Variants in HMCN1 observed in about 807,000 individuals in gnomAD.
The protein encoded by HMCN1 is hemicentin 1.
HMCN1 carries 321 observed loss-of-function variants against 625.9 expected under a neutral mutation model. The observed-to-expected ratio is 0.51, with a 90% CI of 0.47 to 0.56. The LOEUF is 0.56. HMCN1 is among the 20% of genes least tolerant of loss of function. HMCN1 has a pLI of 0.00. For missense variants in HMCN1, 6,588 were observed against 6,887.3 expected (o/e 0.96, Z 1.54); for synonymous variants, 2,425 against 2,417.6 (o/e 1.00, Z -0.09).
In HMCN1 at chr1:186,020,267, A is replaced by ATAGG. The variant is rs1348471610; in HGVS notation, c.5625+573_5625+574insAGGT. ...GATAGATAGATAGATAGATAGATAG[A>ATAGG]TGATAGATTTCAAATCTGGATAATC... On this transcript the variant is annotated intron_variant, in intron 35 of 106. Coordinates refer to ENST00000271588, the MANE Select transcript of HMCN1 (RefSeq NM_031935.3). Among the ~76,000 whole-genome samples the ATAGG allele has an allele frequency of 1.2e-3, 185 of 152,022 alleles. 1 individual carries two copies. The highest frequency in any genetic ancestry group is 4.2e-3 in the African/African-American group (175 of 41,498).
At chr1:185,805,759 A>C (rs1250160297) in intron 1 of HMCN1, among the ~76,000 whole-genome samples, 2 of 152,040 alleles carry the variant, frequency 1.3e-5, no homozygotes, top group Non-Finnish European at 2.9e-5. Context: ...CCCATGCTGC[A>C]CAAAAGGTAC....
intron 36 of HMCN1, among the ~76,000 whole-genome samples, chr1:186,024,069 T>C (rs923564460): frequency 3.9e-5 from 6 of 152,246 alleles, no homozygotes; most frequent in African/African-American, 1.4e-4. Context: ...ATGTTTCCAA[T>C]ATATCAATTT....
chr1:186,086,290 G>A lies in HMCN1; in HGVS notation c.8929G>A (p.Val2977Met), dbSNP rs556443296. The change falls in exon 58 of 107, where the codon GTG becomes ATG. Residue 2977 changes from valine (V) to methionine (M), a missense_variant. Val to Met is a conservative substitution (Grantham distance 21). This residue lies in a region of HMCN1 where 4,628 missense variants were observed against 4,853.1 expected (regional missense o/e 0.95). Transcript: ENST00000271588. ...TCCTAAATCTGAAAATCTTACCGTC[G>A]TGGTGAACAATTTCATCTCTTTGAC... ...IGPKSENLTVVVNNFISLTCE... is the reference protein window; with the variant it reads ...IGPKSENLTVMVNNFISLTCE... The A allele has an allele frequency of 9.9e-6, 16 of 1,612,996 alleles. No individual in the cohort carries two copies. Among genetic ancestry groups the A allele is most frequent in the Middle Eastern group, 1.6e-4 (1 of 6,080 alleles).
At position 185,734,414 on chromosome 1, in the gene HMCN1, A is replaced by AGCG; in HGVS notation, c.-356_-354dup. 1 of 230,372 alleles carries AGCG rather than the reference A, an allele frequency of 4.3e-6. No individual in the cohort carries two copies. The highest frequency in any genetic ancestry group is 8.4e-6 in the Non-Finnish European group (1 of 119,378). The allele number at this position is 230,372 out of a possible 1,614,324, so 14.3% of individuals were successfully genotyped here. A position where few individuals can be genotyped will look rare whatever the true frequency, so the allele number is the denominator to read the frequency against. On this transcript the variant is annotated 5_prime_UTR_variant, in exon 1 of 107. Transcript: ENST00000271588. ...TCAGTCGCTGGCCCAGGCGGAGAGC[A>AGCG]GCGGCGGCGGCGAGGGCAGCGGGAT...
intron 86 of HMCN1, among the ~76,000 whole-genome samples, chr1:186,135,407 G>A (rs980649777): frequency 2.6e-5 from 4 of 151,942 alleles, no homozygotes; most frequent in African/African-American, 4.8e-5. Flanking sequence ...GTCTTTGGCC[G>A]TCTTCTCATT....
At chr1:186,128,850 A>C (rs1278471901) in intron 83 of HMCN1, among the ~76,000 whole-genome samples, 1 of 152,054 alleles carries the variant, frequency 6.6e-6, no homozygotes, top group Admixed American at 6.6e-5. Flanking sequence ...TCATCAGCAT[A>C]AAGACTGTCA....
At chr1:186,073,583 A>C (rs536100058) in intron 52 of HMCN1, among the ~76,000 whole-genome samples, 1 of 152,270 alleles carries the variant, frequency 6.6e-6, no homozygotes, top group Non-Finnish European at 1.5e-5. Flanking sequence ...GCAAATTCTC[A>C]GAATGAGCAG....
intron 36 of HMCN1, among the ~76,000 whole-genome samples, chr1:186,037,535 AAAGT>A (rs1260157147): frequency 6.6e-6 from 1 of 152,216 alleles, no homozygotes; most frequent in Non-Finnish European, 1.5e-5. Context: ...GTCCAAAGAT[AAAGT>A]AAGATATTTT....
In HMCN1 at chr1:186,053,051, C is replaced by T. The variant is rs1657072658; in HGVS notation, c.6677C>T (p.Pro2226Leu). 2 of 1,609,532 alleles carry T rather than the reference C, an allele frequency of 1.2e-6. No homozygotes were observed. The highest frequency in any genetic ancestry group is 2.2e-5 in the East Asian group (1 of 44,688). The part of the protein sequence containing the change: ...LLCESSGIPP[P>L]NLIWKKKGSP... ...TGTGAATCAAGTGGTATTCCACCCC[C>T]AAATCTCATCTGGAAGAAGAAAGGT... Residue 2226 changes from proline to leucine, a missense_variant, in exon 43 of 107, where the codon CCA (proline) becomes CTA (leucine). Physicochemically the swap from Pro to Leu is moderately conservative, Grantham distance 98. Around this residue, in one of 3 missense-constraint regions of HMCN1, gnomAD observed 4,628 missense variants for 4,853.1 expected, o/e 0.95. Transcript: ENST00000271588.
intron 64 of HMCN1, among the ~76,000 whole-genome samples, 181 bp from the exon 65 acceptor site, chr1:186,092,953 T>C (rs915172073): frequency 2.0e-5 from 3 of 152,118 alleles, no homozygotes; most frequent in African/African-American, 7.2e-5. Flanking sequence ...GTATTCCTGA[T>C]TTTGTTCACT....
At position 186,055,481 on chromosome 1, in the gene HMCN1, G is replaced by A. The variant is rs1390722380; in HGVS notation, c.6951G>A (p.Gln2317=). ...GKSISLECEV[Q]GIPPPTVTWM... is the part of the protein sequence containing the mutation. Reference sequence around the variant, plus strand: ...GTATCTCCTTGGAGTGTGAGGTGCAGGGTATTCCACCACCAACAGTGACCT... The same window carrying A: ...GTATCTCCTTGGAGTGTGAGGTGCAAGGTATTCCACCACCAACAGTGACCT... Residue 2317 remains glutamine (Q), a synonymous_variant, in exon 45 of 107, where the codon CAG becomes CAA. Transcript: ENST00000271588. 2 of 1,612,850 alleles carry A rather than the reference G, an allele frequency of 1.2e-6. No homozygotes were observed. The highest frequency in any genetic ancestry group is 1.7e-6 in the Non-Finnish European group (2 of 1,179,268).
At chr1:185,841,029 G>C (rs965460867) in intron 1 of HMCN1, among the ~76,000 whole-genome samples, 2 of 152,068 alleles carry the variant, frequency 1.3e-5, no homozygotes, top group East Asian at 3.8e-4. Flanking sequence ...GAAGTGAGAG[G>C]CTGGATATTG....
In HMCN1 at chr1:185,795,838, C is replaced by G. The variant is rs377420347; in HGVS notation, c.269-50188C>G. Among the ~76,000 whole-genome samples the G allele has an allele frequency of 3.9e-5, 6 of 152,178 alleles. No individual in the cohort carries two copies. The East Asian group carries it at 7.7e-4, about 20-fold the overall frequency. ...AAGTATCATGTCTCTCTTGCTCACT[C>G]TTATGTCACAAGGTCTAGCACATAC... On this transcript the variant is annotated intron_variant, in intron 1 of 106. Coordinates refer to ENST00000271588, the MANE Select transcript of HMCN1 (RefSeq NM_031935.3).
chr1:185,930,892 A>G (rs1265301558), intron 10 of HMCN1, among the ~76,000 whole-genome samples: 6 of 148,876 alleles, frequency 4.0e-5, no homozygotes, highest in African/African-American at 1.5e-4. Flanking sequence ...TACTAACACA[A>G]TGACTTTCAC....
At chr1:186,063,250 A>C (rs1170012405) in intron 48 of HMCN1, among the ~76,000 whole-genome samples, 1 of 151,314 alleles carries the variant, frequency 6.6e-6, no homozygotes, top group Non-Finnish European at 1.5e-5. Flanking sequence ...GAGTCCCACT[A>C]TATATTAATC....
At chr1:185,909,620 A>C in intron 5 of HMCN1, 112 bp downstream of exon 5, 2 of 938,302 alleles carry the variant, frequency 2.1e-6, no homozygotes, top group Non-Finnish European at 3.4e-6. Context: ...AAATTCAATA[A>C]ATTCAGAAGT....
At chr1:185,787,077 T>A (rs1657639630) in intron 1 of HMCN1, among the ~76,000 whole-genome samples, 1 of 151,986 alleles carries the variant, frequency 6.6e-6, no homozygotes, top group South Asian at 2.1e-4. Context: ...GTGAATGTGT[T>A]TATATGTGTG....
chr1:185,919,102 A>C (rs2102469474), intron 6 of HMCN1, among the ~76,000 whole-genome samples: 1 of 148,096 alleles, frequency 6.8e-6, no homozygotes, highest in South Asian at 2.1e-4. Context: ...ATTTTATTAC[A>C]TTTATAAAAA....
intron 97 of HMCN1, among the ~76,000 whole-genome samples, chr1:186,160,377 G>A (rs1446416412): frequency 1.4e-5 from 2 of 147,636 alleles, no homozygotes; most frequent in Admixed American, 6.7e-5. Flanking sequence ...ACCAGCTCCT[G>A]GATTCATTAA....
Sources: allele counts gnomAD v4.1 joint callset (sites outside exome capture counted in the v4.1 genomes callset), GRCh38; gene constraint gnomAD v4.1.1; regional missense constraint gnomAD v4.1.1; transcripts MANE v1.5; gene names NCBI Gene and HGNC (gene_info 2026-07-23, HGNC 2026-07-21).